Variants in SPTBN4 observed in about 807,000 individuals in gnomAD.
SPTBN4 encodes spectrin beta, non-erythrocytic 4.
In SPTBN4, 96 loss-of-function variants were observed where a neutral mutation model predicts 277.8. The ratio of observed to expected loss-of-function variants is 0.35; its 90% CI spans 0.29 to 0.41. SPTBN4 has a LOEUF of 0.41. Among genes scored for constraint, SPTBN4 ranks in the 10% least tolerant of loss-of-function variants. SPTBN4 has a pLI of 1.00. For synonymous variants in SPTBN4, 1,481 were observed against 1,580.3 expected (o/e 0.94, Z 1.49); for missense variants, 3,006 against 3,595.7 (o/e 0.84, Z 4.19).
rs138472388 is a variant in SPTBN4 at position 40,534,128 on chromosome 19, C to T, written c.4144C>T (p.Arg1382Trp). ...QEKPELAASV[R>W]KKLGEIRQCW... ...GAAGCCCGAACTGGCGGCCTCCGTGCGGAAGAAGCTGGGCGAGATCCGCCA... is the reference window on the plus strand; with the variant it reads ...GAAGCCCGAACTGGCGGCCTCCGTGTGGAAGAAGCTGGGCGAGATCCGCCA... The change falls in exon 20 of 36, where the codon CGG becomes TGG. Residue 1382 changes from arginine to tryptophan, a missense_variant. By Grantham distance (101) the Arg-to-Trp change is moderately radical. Coordinates refer to ENST00000598249, the MANE Select transcript of SPTBN4 (RefSeq NM_020971.3). The T allele has an allele frequency of 8.3e-5, 133 of 1,611,022 alleles. No homozygotes were observed. The highest frequency in any genetic ancestry group is 3.3e-5 in the South Asian group (3 of 90,778).
intron 2 of SPTBN4, among the ~76,000 whole-genome samples, chr19:40,483,883 C>T (rs1171441096): frequency 6.6e-6 from 1 of 152,124 alleles, no homozygotes; most frequent in African/African-American, 2.4e-5. Flanking sequence ...CCTCTCGGGA[C>T]CCCGGTTTTC....
chr19:40,570,426 C>A lies in SPTBN4; in HGVS notation c.7027-10C>A. The A allele has an allele frequency of 6.4e-7, 1 of 1,556,488 alleles. No individual in the cohort carries two copies. Among genetic ancestry groups the A allele is most frequent in the Non-Finnish European group, 8.6e-7 (1 of 1,159,316 alleles). On this transcript the variant is annotated splice_polypyrimidine_tract_variant and intron_variant, in intron 32 of 35. Transcript: ENST00000598249. Reference sequence around the variant, plus strand: ...TGGACAGCACCCCTCTTCCCCCTCCCTTCACACAGCCGTCGCTGCCTCAGC... The same window carrying A: ...TGGACAGCACCCCTCTTCCCCCTCCATTCACACAGCCGTCGCTGCCTCAGC...
At chr19:40,550,171 GT>G in intron 21 of SPTBN4, 66 bp from the exon 22 acceptor site, 1 of 1,398,826 alleles carries the variant, frequency 7.1e-7, no homozygotes, top group Non-Finnish European at 1.0e-6. Context: ...CAGGTTTAAA[GT>G]TTAGTTGCGA....
chr19:40,523,007 A>G (rs892056109), intron 16 of SPTBN4, among the ~76,000 whole-genome samples: 2 of 151,996 alleles, frequency 1.3e-5, no homozygotes, highest in African/African-American at 2.4e-5. Flanking sequence ...GGTGGTATGC[A>G]CCTGTAATCC....
At chr19:40,545,790 C>A (rs572907102) in intron 20 of SPTBN4, among the ~76,000 whole-genome samples, 1 of 152,036 alleles carries the variant, frequency 6.6e-6, no homozygotes, top group East Asian at 1.9e-4. Context: ...GCCTGTAATC[C>A]CAGCACTTTG....
intron 1 of SPTBN4, among the ~76,000 whole-genome samples, chr19:40,467,969 A>G (rs2079845239): frequency 6.6e-6 from 1 of 152,230 alleles, no homozygotes; most frequent in South Asian, 2.1e-4. Context: ...AAGATGAAGA[A>G]TAATAGCAAG....
intron 7 of SPTBN4, among the ~76,000 whole-genome samples, chr19:40,499,291 C>T (rs778967728): frequency 1.3e-5 from 2 of 151,652 alleles, no homozygotes; most frequent in African/African-American, 2.4e-5. Flanking sequence ...CTGCTTGCCT[C>T]GTCCTCCCAA....
chr19:40,554,913 CTG>C lies in SPTBN4; in HGVS notation c.5084+268_5084+269del. 2.3e-6 allele frequency: 1 copy of C among 439,298 alleles called. No individual in the cohort carries two copies. The highest frequency in any genetic ancestry group is 4.2e-6 in the Non-Finnish European group (1 of 240,356). 27.2% of individuals were successfully genotyped at this position (439,298 alleles called of 1,614,324 possible). On this transcript the variant is annotated intron_variant, in intron 24 of 35. Coordinates refer to ENST00000598249, the MANE Select transcript of SPTBN4 (RefSeq NM_020971.3). This position sits in a 1 kb window ranked among gnomAD's most constrained non-coding sequence, Gnocchi z 5.7. ...AGAAAAGAGTAGGCGATGTCTAGGA[CTG>C]GGGTAGAGAAGAATTTACTCAGGAC...
At chr19:40,537,957 C>T (rs531077822) in intron 20 of SPTBN4, among the ~76,000 whole-genome samples, 1 of 152,314 alleles carries the variant, frequency 6.6e-6, no homozygotes, top group East Asian at 1.9e-4. Flanking sequence ...AACGGGGAAG[C>T]TGCAGGAAGC....
chr19:40,500,224 G>A (rs2080249401), intron 7 of SPTBN4, among the ~76,000 whole-genome samples: 1 of 152,082 alleles, frequency 6.6e-6, no homozygotes, highest in Non-Finnish European at 1.5e-5. Context: ...TTAAAGTGAT[G>A]TTAGAATTTG....
At chr19:40,550,629 A>G (rs1048864853) in intron 22 of SPTBN4, among the ~76,000 whole-genome samples, 25 of 150,728 alleles carry the variant, frequency 1.7e-4, no homozygotes, top group Non-Finnish European at 4.4e-5. Flanking sequence ...CAGCCATCCA[A>G]GTAGCTGGGA....
At position 40,560,780 on chromosome 19, in the gene SPTBN4, T is replaced by C. The variant is rs2081035047; in HGVS notation, c.5915+377T>C. ...ATCTCAGTGGCTTCATTAGTGGGCA[T>C]GGGCTTATTGCTCACATAGTGGTTG... On this transcript the variant is annotated intron_variant, in intron 27 of 35. Coordinates refer to ENST00000598249, the MANE Select transcript of SPTBN4 (RefSeq NM_020971.3). The surrounding 1 kb of genome is among the most constrained non-coding windows in gnomAD (Gnocchi z 5.2). 3 of 1,225,218 alleles carry C rather than the reference T, an allele frequency of 2.4e-6. No individual in the cohort carries two copies. The highest frequency in any genetic ancestry group is 3.1e-6 in the Non-Finnish European group (3 of 969,100). The allele number at this position is 1,225,218 out of a possible 1,614,324, so 75.9% of individuals were successfully genotyped here.
intron 13 of SPTBN4, among the ~76,000 whole-genome samples, chr19:40,508,052 A>AGT (rs947838347): frequency 7.2e-5 from 11 of 152,198 alleles, no homozygotes; most frequent in Admixed American, 6.5e-5. Context: ...ATTGGCTCAC[A>AGT]GTGGGTTCCA....
rs185285683 is a variant in SPTBN4 at position 40,491,333 on chromosome 19, T to C, written c.495+1085T>C. Among the ~76,000 whole-genome samples, 12 of 152,178 alleles carry C rather than the reference T, an allele frequency of 7.9e-5. 1 individual carries two copies. The highest frequency in any genetic ancestry group is 4.6e-4 in the Admixed American group (7 of 15,266). On this transcript the variant is annotated intron_variant, in intron 4 of 35. Transcript: ENST00000598249. ...ACGGGAGACATGGAGGAGCTGAGGC[T>C]CAGGGGATGGAAGGGGCTAGGTGAT...
intron 19 of SPTBN4, among the ~76,000 whole-genome samples, chr19:40,533,418 G>A (rs748975308): frequency 3.9e-5 from 6 of 151,938 alleles, no homozygotes; most frequent in African/African-American, 7.3e-5. Context: ...CTTCAGTCTT[G>A]GAGGGACTGA....
At position 40,515,872 on chromosome 19, in the gene SPTBN4, GCACACACACACA is replaced by G. The variant is rs528135288; in HGVS notation, c.2903+441_2903+452del. Among the ~76,000 whole-genome samples the G allele has an allele frequency of 6.6e-5, 9 of 136,062 alleles. No homozygotes were observed. Among genetic ancestry groups the G allele is most frequent in the Non-Finnish European group, 1.1e-4 (7 of 64,090 alleles). 89.3% of individuals were successfully genotyped at this position (136,062 alleles called of 152,430 possible). On this transcript the variant is annotated intron_variant, in intron 15 of 35. Coordinates refer to ENST00000598249, the MANE Select transcript of SPTBN4 (RefSeq NM_020971.3). The surrounding 1 kb of genome is among the most constrained non-coding windows in gnomAD (Gnocchi z 4.1). ...ACCCCGTCTCTCTCTCTACGTGCGC[GCACACACACACA>G]CACACACACACACACAAAATATATA...
At chr19:40,504,271 A>C in intron 12 of SPTBN4, 139 bp downstream of exon 12, 1 of 877,084 alleles carries the variant, frequency 1.1e-6, no homozygotes, top group Non-Finnish European at 1.7e-6. Context: ...CCAGGGAGAC[A>C]AAAAGAGAGA....
chr19:40,537,797 G>T (rs1468118471), intron 20 of SPTBN4, among the ~76,000 whole-genome samples: 2 of 152,154 alleles, frequency 1.3e-5, no homozygotes, highest in Non-Finnish European at 2.9e-5. Context: ...GGCCAGGTGG[G>T]GATGTGCACA....
rs755551228 is a variant in SPTBN4, at chr19:40,502,521, T to C, written c.1203+14T>C. 1 of 1,605,396 alleles carries C rather than the reference T, an allele frequency of 6.2e-7. No homozygotes were observed. On this transcript the variant is annotated intron_variant, in intron 10 of 35. Coordinates refer to ENST00000598249, the MANE Select transcript of SPTBN4 (RefSeq NM_020971.3). The surrounding 1 kb of genome is among the most constrained non-coding windows in gnomAD (Gnocchi z 4.9). ...GATATTGACAAGGTGAGGCCGGGGA[T>C]GCAGGGGAGAGGCGGGGTTGCACTG...
Sources: gnomAD v4.1 joint callset for allele counts (sites outside exome capture counted in the v4.1 genomes callset) on GRCh38, gnomAD v4.1.1 for gene constraint, Gnocchi (gnomAD v3.1) non-coding constraint, MANE v1.5 for transcripts, NCBI Gene and HGNC (gene_info 2026-07-23, HGNC 2026-07-21) for gene names.